Variants in MACROD2 observed in about 807,000 individuals in gnomAD.
The protein encoded by MACROD2 is ADP-ribose glycohydrolase MACROD2.
Under a neutral mutation model 70.4 loss-of-function variants are expected in MACROD2, and 36 were observed. The observed-to-expected ratio is 0.51, with a 90% CI of 0.39 to 0.68. The LOEUF is 0.68. Among genes scored for constraint, MACROD2 ranks in the 30% least tolerant of loss-of-function variants. The pLI is 0.00. For synonymous variants in MACROD2, 172 were observed against 178.8 expected, an observed-to-expected ratio of 0.96 and a Z score of 0.30; for missense variants, 496 against 538.4, an observed-to-expected ratio of 0.92 and a Z score of 0.78.
chr20:15,171,523 G>A (rs2076422379), intron 5 of MACROD2, among the ~76,000 whole-genome samples: 1 of 151,480 alleles, frequency 6.6e-6, no homozygotes. Context: ...TAAGCTCTTT[G>A]TAGTATTAGA....
intron 8 of MACROD2, among the ~76,000 whole-genome samples, chr20:15,857,324 G>A (rs372734616): frequency 4.6e-5 from 7 of 152,170 alleles, no homozygotes; most frequent in African/African-American, 1.7e-4. Flanking sequence ...CATGCAAAGC[G>A]GGAGAGAACA....
intron 5 of MACROD2, among the ~76,000 whole-genome samples, chr20:14,868,681 A>G (rs2073454490): frequency 6.6e-6 from 1 of 152,132 alleles, no homozygotes; most frequent in Non-Finnish European, 1.5e-5. Flanking sequence ...CCTCAGTACC[A>G]TCAGAAAATT....
intron 3 of MACROD2, among the ~76,000 whole-genome samples, chr20:14,486,487 G>A: frequency 6.6e-6 from 1 of 150,822 alleles, no homozygotes; most frequent in African/African-American, 2.4e-5. Context: ...GGAGTAAACA[G>A]GAGCTATCTG....
intron 8 of MACROD2, among the ~76,000 whole-genome samples, chr20:15,774,522 G>T (rs1216738371): frequency 1.3e-5 from 2 of 152,054 alleles, no homozygotes; most frequent in Non-Finnish European, 2.9e-5. Flanking sequence ...ATTCCCCAAG[G>T]AGCTGGTAAA....
chr20:15,141,639 T>C (rs1330391928), intron 5 of MACROD2, among the ~76,000 whole-genome samples: 1 of 152,234 alleles, frequency 6.6e-6, no homozygotes, highest in Non-Finnish European at 1.5e-5. Context: ...GTGATTTGGA[T>C]ATCTGGATGA....
At chr20:14,808,496 A>G (rs557641762) in intron 5 of MACROD2, among the ~76,000 whole-genome samples, 1 of 152,230 alleles carries the variant, frequency 6.6e-6, no homozygotes, top group South Asian at 2.1e-4. Context: ...AAATGTAAAG[A>G]CTATTGACAC....
At chr20:15,565,258 C>A (rs895669169) in intron 8 of MACROD2, among the ~76,000 whole-genome samples, 3 of 152,122 alleles carry the variant, frequency 2.0e-5, no homozygotes, top group African/African-American at 4.8e-5. Context: ...GAAAATAAAT[C>A]CCTAGAGATC....
At chr20:15,319,870 T>A (rs1204723665) in intron 6 of MACROD2, among the ~76,000 whole-genome samples, 2 of 152,204 alleles carry the variant, frequency 1.3e-5, no homozygotes, top group Non-Finnish European at 2.9e-5. Context: ...GGTCCCATAT[T>A]GTATAATCTC....
chr20:14,151,322 T>A (rs995714300), intron 3 of MACROD2, among the ~76,000 whole-genome samples: 1 of 152,024 alleles, frequency 6.6e-6, no homozygotes, highest in African/African-American at 2.4e-5. Flanking sequence ...AGCTTGAGGG[T>A]GACAATGAGG....
intron 3 of MACROD2, among the ~76,000 whole-genome samples, chr20:14,129,710 A>G (rs1054279735): frequency 7.2e-5 from 11 of 152,228 alleles, no homozygotes; most frequent in African/African-American, 2.2e-4. Context: ...AGCAAAACCA[A>G]TCTTTAGCAA....
At chr20:15,163,667 T>G (rs1355759276) in intron 5 of MACROD2, among the ~76,000 whole-genome samples, 2 of 152,096 alleles carry the variant, frequency 1.3e-5, no homozygotes, top group Non-Finnish European at 1.5e-5. Flanking sequence ...ATGTCCTGTT[T>G]GAGTATGACC....
intron 8 of MACROD2, among the ~76,000 whole-genome samples, chr20:15,665,058 T>C (rs556014747): frequency 6.6e-6 from 1 of 152,292 alleles, no homozygotes; most frequent in South Asian, 2.1e-4. Context: ...GCTAGGCAGA[T>C]GCCAAAGGTT....
chr20:14,580,234 T>C (rs1321190300), intron 4 of MACROD2, among the ~76,000 whole-genome samples: 1 of 152,224 alleles, frequency 6.6e-6, no homozygotes, highest in Non-Finnish European at 1.5e-5. Flanking sequence ...ATGTTCACAG[T>C]GATGCTTTTA....
At chr20:15,487,617 C>CACG (rs1320674649) in intron 7 of MACROD2, among the ~76,000 whole-genome samples, 1 of 152,052 alleles carries the variant, frequency 6.6e-6, no homozygotes, top group Non-Finnish European at 1.5e-5. Flanking sequence ...AGGCAGATTC[C>CACG]ACGTGCTACC....
Position 14,859,734 on chromosome 20 carries a change from A to G in MACROD2, c.418+174775A>G, listed in dbSNP as rs377597506. 3.6e-4 allele frequency among the ~76,000 whole-genome samples: 55 copies of G among 152,214 alleles called. 1 individual carries two copies. In the South Asian group the frequency reaches 0.011, roughly 30 times the overall value. The stretch of plus-strand genomic sequence containing the variant: ...AATGCAAATGTTATCCATTTTTCCA[A>G]TGCATAGTTTCAACTTACTAGTTAG... On this transcript the variant is annotated intron_variant, in intron 5 of 17. Coordinates refer to ENST00000684519, the MANE Select transcript of MACROD2 (RefSeq NM_001351661.2).
At chr20:15,518,389 C>T (rs923224521) in intron 8 of MACROD2, among the ~76,000 whole-genome samples, 4 of 152,176 alleles carry the variant, frequency 2.6e-5, no homozygotes, top group African/African-American at 9.7e-5. Context: ...TTGACAATAG[C>T]GGATTGCTAA....
chr20:14,947,229 C>T (rs1220449841), intron 5 of MACROD2, among the ~76,000 whole-genome samples: 3 of 152,164 alleles, frequency 2.0e-5, no homozygotes, highest in South Asian at 2.1e-4. Flanking sequence ...AACAAATGTA[C>T]GTCTTTGAAA....
In MACROD2 at chr20:14,210,408, A is replaced by T. The variant is rs35649080; in HGVS notation, c.271+124680A>T. 3.7e-3 allele frequency among the ~76,000 whole-genome samples: 570 copies of T among 152,306 alleles called. 2 individuals carry two copies. Among genetic ancestry groups the T allele is most frequent in the Non-Finnish European group, 6.3e-3 (430 of 68,020 alleles). ...CAGTTGGAGGCTGGATGCCTTATTT[A>T]TAGGGACTTTGAATACACTTCCTGC... is the stretch of plus-strand genomic sequence containing the variant. On this transcript the variant is annotated intron_variant, in intron 3 of 17. Transcript: ENST00000684519.
chr20:15,427,681 G>A (rs1486199471), intron 6 of MACROD2, among the ~76,000 whole-genome samples: 1 of 152,168 alleles, frequency 6.6e-6, no homozygotes, highest in African/African-American at 2.4e-5. Context: ...GAGCCAAGGT[G>A]GCCAGGCCTT....
Sources: allele counts gnomAD v4.1 joint callset (sites outside exome capture counted in the v4.1 genomes callset), GRCh38; gene constraint gnomAD v4.1.1; transcripts MANE v1.5; gene names NCBI Gene and HGNC (gene_info 2026-07-23, HGNC 2026-07-21).